The following GRAMD1A variants were observed in gnomAD, a reference collection of about 807,000 sequenced individuals.
GRAMD1A encodes protein Aster-A.
Under a neutral mutation model 92.0 loss-of-function variants are expected in GRAMD1A, and 50 were observed. The observed-to-expected ratio is 0.54, with a 90% CI of 0.43 to 0.69. The LOEUF is 0.69. Ranked by LOEUF, GRAMD1A falls within the 30% of genes least tolerant of loss-of-function variation. The pLI, the probability that GRAMD1A is intolerant of heterozygous loss-of-function variation, is 0.00. For missense variants in GRAMD1A, 819 were observed against 978.9 expected (o/e 0.84, Z 2.18); for synonymous variants, 405 against 403.6 (o/e 1.00, Z -0.04).
intron 1 of GRAMD1A, among the ~76,000 whole-genome samples, chr19:35,001,538 T>C (rs1243782522): frequency 2.0e-5 from 3 of 152,168 alleles, no homozygotes; most frequent in African/African-American, 7.2e-5. Flanking sequence ...CAAGTGTGCC[T>C]GGGGCTCTGG....
At chr19:35,023,207 G>A in intron 17 of GRAMD1A, 29 bp from the exon 18 acceptor site, 1 of 1,537,306 alleles carries the variant, frequency 6.5e-7, no homozygotes, top group Non-Finnish European at 9.0e-7. Flanking sequence ...TAGACCCCAG[G>A]AATCCTGACC....
intron 1 of GRAMD1A, among the ~76,000 whole-genome samples, chr19:35,003,198 GGAAA>G (rs1393574757): frequency 6.6e-6 from 1 of 151,360 alleles, no homozygotes; most frequent in Non-Finnish European, 1.5e-5. Flanking sequence ...GAGAGAGAGA[GGAAA>G]GAGACTCCTT....
chr19:35,003,882 G>A (rs1209854497), intron 1 of GRAMD1A, among the ~76,000 whole-genome samples: 1 of 152,184 alleles, frequency 6.6e-6, no homozygotes, highest in Non-Finnish European at 1.5e-5. Flanking sequence ...TGTGTTCTTT[G>A]TCCTCAGGTG....
At chr19:35,008,818 AAAAT>A (rs1264166042) in intron 1 of GRAMD1A, among the ~76,000 whole-genome samples, 6 of 152,346 alleles carry the variant, frequency 3.9e-5, no homozygotes, top group East Asian at 1.9e-4. Flanking sequence ...TCTGTCACAA[AAAAT>A]AAATAAATAA....
chr19:35,015,364 TGA>T (rs1600312976), intron 10 of GRAMD1A: 1 of 155,086 alleles, frequency 6.4e-6, no homozygotes, highest in African/African-American at 2.4e-5. Flanking sequence ...ACCAGCCCAA[TGA>T]GAGAGAGCAG....
chr19:35,026,124 G>A lies in GRAMD1A; in HGVS notation c.2158G>A (p.Asp720Asn), dbSNP rs749496815. Residue 720 changes from aspartate (D) to asparagine (N), a missense_variant, in exon 20 of 20, where the codon GAT becomes AAT. Physicochemically the swap from Asp to Asn is conservative, Grantham distance 23 (BLOSUM62 1). Transcript: ENST00000317991. ...DPPFDTQPRP[D>N]DSFS ...TCCCTTTGACACCCAGCCCCGGCCC[G>A]ATGACAGCTTTTCCTGAGGACCCCG... 4.4e-6 allele frequency: 7 copies of A among 1,577,068 alleles called. No homozygotes were observed. Among genetic ancestry groups the A allele is most frequent in the Non-Finnish European group, 5.2e-6 (6 of 1,146,482 alleles).
upstream of GRAMD1A, among the ~76,000 whole-genome samples, chr19:34,997,697 G>T (rs1439357229): frequency 6.6e-6 from 1 of 152,144 alleles, no homozygotes; most frequent in Non-Finnish European, 1.5e-5. Flanking sequence ...GAGCCTAATC[G>T]TGTATCTTTT....
chr19:34,998,813 G>A (rs903860246), upstream of GRAMD1A, among the ~76,000 whole-genome samples: 1 of 150,982 alleles, frequency 6.6e-6, no homozygotes, highest in African/African-American at 2.4e-5. Flanking sequence ...CGATAGGGGG[G>A]GTGCTGTCCA....
intron 13 of GRAMD1A, among the ~76,000 whole-genome samples, chr19:35,020,816 G>T (rs936120711): frequency 5.9e-5 from 9 of 152,182 alleles, no homozygotes; most frequent in Non-Finnish European, 1.3e-4. Context: ...CTCTGTTCTG[G>T]TGGGAACAGA....
At position 35,019,259 on chromosome 19, in the gene GRAMD1A, C is replaced by A. The variant is rs749587215; in HGVS notation, c.1282C>A (p.Pro428Thr). The A allele has an allele frequency of 2.5e-6, 4 of 1,613,626 alleles. No individual in the cohort carries two copies. The highest frequency in any genetic ancestry group is 3.4e-6 in the Non-Finnish European group (4 of 1,179,682). ...HQRRVLTYTI[P>T]ISNPLGPKSA... ...GCGCCGGGTGCTGACGTACACCATC[C>A]CCATCAGCAACCCACTGGGCCCCAA... Residue 428 changes from proline (P) to threonine (T), a missense_variant, in exon 12 of 20, where the codon CCC becomes ACC. Transcript: ENST00000317991.
chr19:35,023,174 T>A, intron 17 of GRAMD1A, 62 bp from the exon 18 acceptor site: 1 of 1,154,678 alleles, frequency 8.7e-7, no homozygotes, highest in Non-Finnish European at 1.3e-6. Flanking sequence ...AAGATGTAGT[T>A]GTTTGGGGGT....
chr19:35,022,872 C>CT (rs2016167957), intron 16 of GRAMD1A, 28 bp from the exon 17 acceptor site: 1 of 1,602,624 alleles, frequency 6.2e-7, no homozygotes. Flanking sequence ...GCTCATCTCT[C>CT]TGTCTCCCCT....
At chr19:35,025,956 G>A (rs954090480) in intron 19 of GRAMD1A, 93 bp from the exon 20 acceptor site, 33 of 754,966 alleles carry the variant, frequency 4.4e-5, no homozygotes, top group African/African-American at 1.2e-4. Context: ...CCTCTAGACC[G>A]TCCTCAGTTT....
In GRAMD1A at chr19:35,014,521, A is replaced by G. The variant is rs527399056; in HGVS notation, c.1069+134A>G. The G allele has an allele frequency of 5.4e-6, 4 of 737,458 alleles. No homozygotes were observed. In the African/African-American group the frequency reaches 7.0e-5, roughly 13 times the overall value. The allele number at this position is 737,458 out of a possible 1,614,324, so 45.7% of individuals were successfully genotyped here. ...GGGATGGCGTTCAGGCGCTGTTGCT[A>G]GAAATCTCTGTCTTTACTCTGTTTT... On this transcript the variant is annotated intron_variant, in intron 10 of 19. Transcript: ENST00000317991.
intron 1 of GRAMD1A, among the ~76,000 whole-genome samples, chr19:35,002,128 C>T (rs1158453416): frequency 6.6e-6 from 1 of 152,098 alleles, no homozygotes; most frequent in Non-Finnish European, 1.5e-5. Flanking sequence ...TGTGAGACCC[C>T]TTGTGGCTCT....
At chr19:35,000,298 C>G (rs1439752963), upstream of GRAMD1A, 15 of 1,038,072 alleles carry the variant, frequency 1.4e-5, no homozygotes, top group Non-Finnish European at 1.5e-5. The surrounding 1 kb of genome is among the most constrained non-coding windows in gnomAD (Gnocchi z 4.9). Flanking sequence ...TCGCTGACGC[C>G]GCGGCGGCCT....
intron 7 of GRAMD1A, among the ~76,000 whole-genome samples, chr19:35,012,368 T>G (rs1240328972): frequency 2.6e-5 from 4 of 152,224 alleles, no homozygotes; most frequent in Non-Finnish European, 5.9e-5. Context: ...GAAGATACAG[T>G]GAGTTAGTAC....
chr19:35,005,240 G>C (rs904392963), intron 1 of GRAMD1A, among the ~76,000 whole-genome samples: 2 of 113,818 alleles, frequency 1.8e-5, no homozygotes, highest in African/African-American at 3.3e-5. Context: ...GAACTAGGGG[G>C]AAATACTGAA....
upstream of GRAMD1A, among the ~76,000 whole-genome samples, chr19:34,995,570 GGT>G (rs202095687): frequency 9.7e-3 from 781 of 80,932 alleles, 140 homozygotes; most frequent in African/African-American, 0.03. Context: ...TCAGATCACG[GGT>G]TTTTTTTTTT....
Sources: gnomAD v4.1 joint callset for allele counts (sites outside exome capture counted in the v4.1 genomes callset) on GRCh38, gnomAD v4.1.1 for gene constraint, Gnocchi (gnomAD v3.1) non-coding constraint, MANE v1.5 for transcripts, NCBI Gene and HGNC (gene_info 2026-07-23, HGNC 2026-07-21) for gene names.